The following GCA variants were observed in gnomAD, a reference collection of about 807,000 sequenced individuals.
GCA encodes the protein grancalcin.
Under a neutral mutation model 32.6 loss-of-function variants are expected in GCA, and 30 were observed. The ratio of observed to expected loss-of-function variants is 0.92; its 90% confidence interval spans 0.69 to 1.25. GCA has a LOEUF of 1.25. GCA is among the 50% of genes most tolerant of loss of function. The probability of loss-of-function intolerance (pLI) is 0.00; values close to 1 mark genes in which losing one functional copy is unlikely to be tolerated. For missense variants in GCA, 291 were observed against 266.8 expected (o/e 1.09, Z -0.63); for synonymous variants, 102 against 84.6 (o/e 1.21, Z -1.13).
Position 162,362,019 on chromosome 2 carries a change from T to G in GCA, c.*1776T>G, listed in dbSNP as rs2105358991. On this transcript the variant is annotated 3_prime_UTR_variant, in exon 8 of 8. Coordinates refer to ENST00000437150, the MANE Select transcript of GCA (RefSeq NM_012198.5). ...ACAAATGGTATTATTCATGTAAGCT[T>G]CTGCCAGGTGACACTCTATATTAGA... 4 of 983,620 alleles carry G rather than the reference T, an allele frequency of 4.1e-6. No homozygotes were observed. The highest frequency in any genetic ancestry group is 4.8e-6 in the Non-Finnish European group (4 of 828,462). The allele number at this position is 983,620 out of a possible 1,614,324, so 60.9% of individuals were successfully genotyped here.
At position 162,347,393 on chromosome 2, in the gene GCA, ATGAAT is replaced by A. The variant is rs150215309; in HGVS notation, c.28-178_28-174del. On this transcript the variant is annotated intron_variant, in intron 1 of 7. Transcript: ENST00000437150. Reference sequence around the variant, plus strand: ...TTTTAATGCTGGGTAATATATGTTGATGAATTGAATTATGTCTTAATGTAGGACAT... The same window carrying A: ...TTTTAATGCTGGGTAATATATGTTGATGAATTATGTCTTAATGTAGGACAT... Among the ~76,000 whole-genome samples the A allele has an allele frequency of 7.8e-3, 1,189 of 152,212 alleles. 96 individuals carry two copies. In the East Asian group the frequency reaches 0.19, roughly 25 times the overall value.
At chr2:162,373,602 G>A, downstream of GCA, 1 of 1,572,112 alleles carries the variant, frequency 6.4e-7, no homozygotes, top group South Asian at 1.2e-5. Context: ...GGACCACAGT[G>A]GTTTGTTTCT....
At position 162,361,634 on chromosome 2, in the gene GCA, C is replaced by T; in HGVS notation, c.*1391C>T. 8.1e-6 allele frequency: 8 copies of T among 983,474 alleles called. No individual in the cohort carries two copies. The highest frequency in any genetic ancestry group is 9.7e-6 in the Non-Finnish European group (8 of 828,354). 60.9% of individuals were successfully genotyped at this position (983,474 alleles called of 1,614,324 possible). A position where few individuals can be genotyped will look rare whatever the true frequency, so the allele number is the denominator to read the frequency against. On this transcript the variant is annotated 3_prime_UTR_variant, in exon 8 of 8. Coordinates refer to ENST00000437150, the MANE Select transcript of GCA (RefSeq NM_012198.5). Reference sequence around the variant, plus strand: ...AAGGAAGTAACGCATAGTCACTTGACACTGATAATTTTATATAATTTGCTG... The same window carrying T: ...AAGGAAGTAACGCATAGTCACTTGATACTGATAATTTTATATAATTTGCTG...
intron 7 of GCA, 32 bp downstream of exon 7, chr2:162,359,584 A>G (rs1553466751): frequency 4.3e-6 from 5 of 1,152,952 alleles, no homozygotes; most frequent in African/African-American, 1.5e-5. Context: ...TTTATACTGC[A>G]TTCTAGATAG....
Position 162,352,396 on chromosome 2 carries a change from G to C in GCA, c.251G>C (p.Gly84Ala). 1.9e-6 allele frequency: 3 copies of C among 1,562,506 alleles called. No individual in the cohort carries two copies. Among genetic ancestry groups the C allele is most frequent in the Non-Finnish European group, 2.6e-6 (3 of 1,133,298 alleles). The change falls in exon 3 of 8, where the codon GGA (glycine) becomes GCA (alanine). Residue 84 changes from glycine (G) to alanine (A), a missense_variant. Transcript: ENST00000437150. ...QRCLTQSGIN[G>A]TYSPFSLETC... ...TGTTTGACACAGTCTGGAATTAATGGAACTTACTCTCGTGAGATCTTTTTT... is the reference window on the plus strand; with the variant it reads ...TGTTTGACACAGTCTGGAATTAATGCAACTTACTCTCGTGAGATCTTTTTT...
At chr2:162,348,493 A>G (rs1175662758) in intron 2 of GCA, among the ~76,000 whole-genome samples, 1 of 152,226 alleles carries the variant, frequency 6.6e-6, no homozygotes, top group Non-Finnish European at 1.5e-5. Context: ...CAGGTTATCA[A>G]AATAATCATG....
rs1384341111 is a variant in GCA, at chr2:162,361,852, A to G, written c.*1609A>G. The G allele has an allele frequency of 9.1e-6, 9 of 984,014 alleles. No individual in the cohort carries two copies. Among genetic ancestry groups the G allele is most frequent in the Non-Finnish European group, 9.7e-6 (8 of 828,904 alleles). 61.0% of individuals were successfully genotyped at this position (984,014 alleles called of 1,614,324 possible). ...TGTGAAAACACTAAGTGTCGTTCAC[A>G]TCGAATGGTGATAATGTCGCTCAGC... On this transcript the variant is annotated 3_prime_UTR_variant, in exon 8 of 8. Coordinates refer to ENST00000437150, the MANE Select transcript of GCA (RefSeq NM_012198.5).
chr2:162,348,212 G>T (rs1263223276), intron 2 of GCA, among the ~76,000 whole-genome samples: 1 of 152,052 alleles, frequency 6.6e-6, no homozygotes, highest in African/African-American at 2.4e-5. Flanking sequence ...GGTTTAGCCT[G>T]CACATTCTTT....
At chr2:162,332,600 A>G (rs1684135721) in intron 1 of GCA, among the ~76,000 whole-genome samples, 1 of 152,162 alleles carries the variant, frequency 6.6e-6, no homozygotes, top group Non-Finnish European at 1.5e-5. Flanking sequence ...CAAGGCCCAT[A>G]GCAGGGCTTC....
downstream of GCA, among the ~76,000 whole-genome samples, chr2:162,367,774 G>A (rs890288063): frequency 5.9e-5 from 9 of 151,902 alleles, no homozygotes; most frequent in African/African-American, 9.7e-5. Flanking sequence ...GTTTCTGGAC[G>A]AGAAACAAGG....
rs1359223033 is a variant in GCA, at chr2:162,356,427, AT to A, written c.263-10del. On this transcript the variant is annotated splice_polypyrimidine_tract_variant and intron_variant, in intron 3 of 7. Coordinates refer to ENST00000437150, the MANE Select transcript of GCA (RefSeq NM_012198.5). The stretch of plus-strand genomic sequence containing the variant: ...GCATACTCTAATTTAAATATTGAAT[AT>A]GTTTTACAGCCTTCAGTTTGGAAAC... 6.7e-7 allele frequency: 1 copy of A among 1,490,708 alleles called. No homozygotes were observed. Among genetic ancestry groups the A allele is most frequent in the Non-Finnish European group, 9.3e-7 (1 of 1,069,642 alleles). 92.3% of individuals were successfully genotyped at this position (1,490,708 alleles called of 1,614,324 possible).
At chr2:162,323,749 T>G (rs1683771530) in intron 1 of GCA, among the ~76,000 whole-genome samples, 1 of 151,856 alleles carries the variant, frequency 6.6e-6, no homozygotes, top group African/African-American at 2.4e-5. Flanking sequence ...GAGGGCTCTG[T>G]TCTGTTCCAT....
chr2:162,335,151 A>G (rs1684226407), intron 1 of GCA, among the ~76,000 whole-genome samples: 1 of 152,112 alleles, frequency 6.6e-6, no homozygotes, highest in Admixed American at 6.5e-5. Context: ...AATTAAAACC[A>G]GAGAAATCCT....
chr2:162,371,694 A>C (rs1030372118), downstream of GCA: 15 of 912,068 alleles, frequency 1.6e-5, no homozygotes, highest in Non-Finnish European at 2.2e-5. Flanking sequence ...GCTTCAATTT[A>C]GGAAAATATA....
intron 1 of GCA, among the ~76,000 whole-genome samples, chr2:162,336,653 T>C (rs1490658155): frequency 6.6e-6 from 1 of 152,190 alleles, no homozygotes; most frequent in Admixed American, 6.5e-5. Flanking sequence ...TCTCTCTCTC[T>C]TTCTGTCTTC....
chr2:162,319,720 G>A (rs1683596954), intron 1 of GCA, among the ~76,000 whole-genome samples: 1 of 152,208 alleles, frequency 6.6e-6, no homozygotes, highest in Admixed American at 6.5e-5. Context: ...GACTGTGGGT[G>A]GTAGGCACAT....
chr2:162,340,471 C>T (rs1684406062), upstream of GCA, among the ~76,000 whole-genome samples: 1 of 152,222 alleles, frequency 6.6e-6, no homozygotes, highest in Non-Finnish European at 1.5e-5. Context: ...CCTAGTAGGT[C>T]ACCATCATCT....
chr2:162,360,295 G>A lies in GCA; in HGVS notation c.*52G>A. The A allele has an allele frequency of 6.4e-7, 1 of 1,569,834 alleles. No homozygotes were observed. Among genetic ancestry groups the A allele is most frequent in the Non-Finnish European group, 8.6e-7 (1 of 1,156,712 alleles). ...ACACTGTGAATTCTTTTGTTTGGAA[G>A]AAGTGAACTGGACTACTTTAAAACT... On this transcript the variant is annotated 3_prime_UTR_variant, in exon 8 of 8. Coordinates refer to ENST00000437150, the MANE Select transcript of GCA (RefSeq NM_012198.5).
At chr2:162,349,674 G>A (rs1684892049) in intron 2 of GCA, among the ~76,000 whole-genome samples, 1 of 152,172 alleles carries the variant, frequency 6.6e-6, no homozygotes, top group African/African-American at 2.4e-5. Flanking sequence ...CATCTTGAAG[G>A]AGTTGGGGCA....
Sources: allele counts gnomAD v4.1 joint callset (sites outside exome capture counted in the v4.1 genomes callset), GRCh38; gene constraint gnomAD v4.1.1; transcripts MANE v1.5; gene names NCBI Gene and HGNC (gene_info 2026-07-23, HGNC 2026-07-21).